Variants in DST observed in about 807,000 individuals in gnomAD.
DST encodes dystonin, also known as bullous pemphigoid antigen.
A neutral mutation model predicts 875.2 loss-of-function variants in DST; 253 were observed. The ratio of observed to expected loss-of-function variants is 0.29; its 90% CI spans 0.26 to 0.32. The LOEUF is 0.32. DST is among the 10% of genes least tolerant of loss of function. DST has a pLI of 1.00. For missense variants in DST, 8,287 were observed against 9,111.6 expected (o/e 0.91, Z 3.68); for synonymous variants, 3,124 against 3,197.1 (o/e 0.98, Z 0.77).
intron 9 of DST, chr6:56,692,467 T>C (rs762123020): frequency 7.8e-7 from 1 of 1,289,664 alleles, no homozygotes; most frequent in South Asian, 1.2e-5. Context: ...AAACTGAAAA[T>C]GCTGTGTTGC....
chr6:56,907,511 A>T (rs149268709), intron 2 of DST, among the ~76,000 whole-genome samples: 219 of 152,370 alleles, frequency 1.4e-3, no homozygotes, highest in African/African-American at 5.1e-3. Context: ...TTCAGGGTTA[A>T]GTAATCTGCT....
chr6:56,635,449 C>A, intron 24 of DST, 140 bp downstream of exon 24: 1 of 863,116 alleles, frequency 1.2e-6, no homozygotes, highest in Non-Finnish European at 1.8e-6. Context: ...CAAAAGAATA[C>A]TAAAACTGAA....
intron 62 of DST, among the ~76,000 whole-genome samples, chr6:56,535,815 T>C (rs1476358061): frequency 6.6e-6 from 1 of 152,232 alleles, no homozygotes; most frequent in African/African-American, 2.4e-5. Flanking sequence ...AACCAGGCCC[T>C]TTGTCTACCA....
chr6:56,937,127 C>T (rs2127775194), intron 2 of DST, among the ~76,000 whole-genome samples: 1 of 150,462 alleles, frequency 6.6e-6, no homozygotes, highest in Non-Finnish European at 1.5e-5. Flanking sequence ...GCAAACAATT[C>T]CTAGAAATGA....
chr6:56,866,400 T>C (rs1192396592), intron 3 of DST, among the ~76,000 whole-genome samples: 7 of 152,190 alleles, frequency 4.6e-5, no homozygotes, highest in Non-Finnish European at 1.5e-5. Flanking sequence ...TCCTCAACGA[T>C]CTATTCTCCA....
intron 4 of DST, among the ~76,000 whole-genome samples, chr6:56,827,629 G>T (rs2099782334): frequency 6.6e-6 from 1 of 151,490 alleles, no homozygotes; most frequent in Non-Finnish European, 1.5e-5. Context: ...GCTATAAAAA[G>T]TATATTTAAT....
intron 3 of DST, among the ~76,000 whole-genome samples, chr6:56,875,476 C>A (rs1439045906): frequency 6.6e-6 from 1 of 152,146 alleles, no homozygotes; most frequent in Non-Finnish European, 1.5e-5. Context: ...CACAATTATA[C>A]AAAAGTTGAA....
At chr6:56,790,680 T>C (rs949440171) in intron 4 of DST, among the ~76,000 whole-genome samples, 1 of 152,204 alleles carries the variant, frequency 6.6e-6, no homozygotes, top group East Asian at 1.9e-4. Flanking sequence ...AGCTGGAAAT[T>C]AAATATATTT....
At chr6:56,559,466 T>C (rs1384501269) in intron 58 of DST, among the ~76,000 whole-genome samples, 2 of 152,104 alleles carry the variant, frequency 1.3e-5, no homozygotes, top group African/African-American at 2.4e-5. Context: ...TATCATAGCA[T>C]ACCTGACTCT....
Position 56,594,207 on chromosome 6 carries a change from A to T in DST, c.12196-14T>A. On this transcript the variant is annotated splice_polypyrimidine_tract_variant and intron_variant, in intron 47 of 103. Transcript: ENST00000680361. ...CTCGTGTTGGGCCTATGTGAAAACA[A>T]ATTGATCATAATCTTCAAGCAGTAA... is the stretch of plus-strand genomic sequence containing the variant. 2 of 1,505,016 alleles carry T rather than the reference A, an allele frequency of 1.3e-6. No homozygotes were observed. Among genetic ancestry groups the T allele is most frequent in the Non-Finnish European group, 1.8e-6 (2 of 1,134,738 alleles). 93.2% of individuals were successfully genotyped at this position (1,505,016 alleles called of 1,614,324 possible). A position where few individuals can be genotyped will look rare whatever the true frequency, so the allele number is the denominator to read the frequency against.
At chr6:56,522,659 A>G (rs1452615281) in intron 69 of DST, among the ~76,000 whole-genome samples, 6 of 152,126 alleles carry the variant, frequency 3.9e-5, no homozygotes, top group Non-Finnish European at 7.4e-5. Flanking sequence ...TAATGACCCA[A>G]TGAGTTGTTT....
At chr6:56,647,563 C>G (rs762685766) in intron 13 of DST, among the ~76,000 whole-genome samples, 2 of 152,076 alleles carry the variant, frequency 1.3e-5, no homozygotes, top group Admixed American at 1.3e-4. Flanking sequence ...AAGGCTTTGT[C>G]GGCAATATTC....
intron 36 of DST, chr6:56,614,709 T>C (rs1022349145): frequency 8.7e-7 from 1 of 1,155,266 alleles, no homozygotes; most frequent in Non-Finnish European, 1.1e-6. Context: ...TCCTTAATGA[T>C]TGGTCTAACC....
At chr6:56,869,911 C>A (rs1308746351) in intron 3 of DST, among the ~76,000 whole-genome samples, 1 of 152,074 alleles carries the variant, frequency 6.6e-6, no homozygotes, top group Non-Finnish European at 1.5e-5. Context: ...GTCTTGAACT[C>A]CTGAGCTCAA....
intron 4 of DST, chr6:56,742,543 C>T (rs1413932193): frequency 3.3e-6 from 1 of 298,754 alleles, no homozygotes; most frequent in African/African-American, 2.2e-5. Flanking sequence ...ATATATACAA[C>T]TGTTACTAAA....
Position 56,458,765 on chromosome 6 carries a change from G to A in DST, c.*240C>T. 1 of 400,822 alleles carries A rather than the reference G, an allele frequency of 2.5e-6. No individual in the cohort carries two copies. The highest frequency in any genetic ancestry group is 4.4e-6 in the Non-Finnish European group (1 of 227,868). The allele number at this position is 400,822 out of a possible 1,614,324, so 24.8% of individuals were successfully genotyped here. Reference sequence around the variant, plus strand: ...TAGTGTGTGCCCGGCACGTTACAGTGCAGAAATGTTAGTTCATGTTAAACT... The same window carrying A: ...TAGTGTGTGCCCGGCACGTTACAGTACAGAAATGTTAGTTCATGTTAAACT... On this transcript the variant is annotated 3_prime_UTR_variant, in exon 104 of 104. Transcript: ENST00000680361.
intron 3 of DST, among the ~76,000 whole-genome samples, chr6:56,865,772 G>A (rs78722810): frequency 0.032 from 4,906 of 152,194 alleles, 278 homozygotes; most frequent in African/African-American, 0.11. Flanking sequence ...TCTTTGATGG[G>A]ATCTGATGGA....
At chr6:56,865,580 T>C (rs1773609838) in intron 3 of DST, among the ~76,000 whole-genome samples, 1 of 152,082 alleles carries the variant, frequency 6.6e-6, no homozygotes, top group Non-Finnish European at 1.5e-5. Context: ...GGTCTGGAAC[T>C]CCTGGGCTCA....
intron 3 of DST, chr6:56,871,610 G>T: frequency 1.3e-6 from 1 of 774,832 alleles, no homozygotes; most frequent in South Asian, 1.3e-5. Context: ...ACCCATACAT[G>T]AGCTCTCTCT....
Sources: gnomAD v4.1 joint callset for allele counts (sites outside exome capture counted in the v4.1 genomes callset) on GRCh38, gnomAD v4.1.1 for gene constraint, MANE v1.5 for transcripts, NCBI Gene and HGNC (gene_info 2026-07-23, HGNC 2026-07-21) for gene names.